Variants in TCF12 observed in about 807,000 individuals in gnomAD.
TCF12 encodes transcription factor 12.
Under a neutral mutation model 86.0 loss-of-function variants are expected in TCF12, and 45 were observed. The observed-to-expected ratio is 0.52, with a 90% CI of 0.41 to 0.67. TCF12 has a LOEUF of 0.67. Ranked by LOEUF, TCF12 falls within the 30% of genes least tolerant of loss-of-function variation. The pLI, the probability that TCF12 is intolerant of heterozygous loss-of-function variation, is 0.00. For synonymous variants in TCF12, 330 were observed against 299.6 expected (o/e 1.10, Z -1.05); for missense variants, 881 against 859.9 (o/e 1.02, Z -0.31).
chr15:56,950,563 A>C (rs1189126505), intron 3 of TCF12, among the ~76,000 whole-genome samples: 2 of 151,996 alleles, frequency 1.3e-5, no homozygotes, highest in Non-Finnish European at 2.9e-5. Flanking sequence ...ATCACACAGA[A>C]TGCTCTGTTT....
intron 5 of TCF12, among the ~76,000 whole-genome samples, chr15:57,099,977 C>T (rs1461511683): frequency 6.6e-6 from 1 of 152,110 alleles, no homozygotes; most frequent in Non-Finnish European, 1.5e-5. Context: ...AGTGGACCAC[C>T]TTTACTTTTA....
intron 3 of TCF12, among the ~76,000 whole-genome samples, chr15:56,979,094 AG>A (rs1275397932): frequency 2.6e-5 from 4 of 152,126 alleles, no homozygotes; most frequent in African/African-American, 9.6e-5. Flanking sequence ...CATTTTGCTT[AG>A]GTCACTCATT....
chr15:57,236,875 G>A (rs2059402363), intron 12 of TCF12, among the ~76,000 whole-genome samples: 1 of 151,760 alleles, frequency 6.6e-6, no homozygotes, highest in Admixed American at 6.6e-5. Context: ...GTAGATAGAA[G>A]GAAAGGAAAA....
intron 5 of TCF12, among the ~76,000 whole-genome samples, chr15:57,154,489 T>A (rs2053981820): frequency 6.6e-6 from 1 of 152,288 alleles, no homozygotes; most frequent in Non-Finnish European, 1.5e-5. Flanking sequence ...TTCAAACATA[T>A]CTACCCTTTT....
intron 6 of TCF12, among the ~76,000 whole-genome samples, chr15:57,179,886 G>T (rs1156250715): frequency 6.6e-6 from 1 of 151,822 alleles, no homozygotes; most frequent in Non-Finnish European, 1.5e-5. Flanking sequence ...ATGAAATCTT[G>T]TCTTAGACAA....
chr15:57,107,173 T>C (rs530131187), intron 5 of TCF12, among the ~76,000 whole-genome samples: 1 of 152,318 alleles, frequency 6.6e-6, no homozygotes, highest in African/African-American at 2.4e-5. Context: ...AAGATGTCCT[T>C]CAGTAGGTGA....
At chr15:57,273,592 A>T (rs2061246565) in intron 19 of TCF12, among the ~76,000 whole-genome samples, 1 of 151,962 alleles carries the variant, frequency 6.6e-6, no homozygotes, top group African/African-American at 2.4e-5. Context: ...CCCTGCCTGG[A>T]CCTGCCCTCC....
chr15:57,145,705 A>G (rs953492070), intron 5 of TCF12, among the ~76,000 whole-genome samples: 3 of 152,164 alleles, frequency 2.0e-5, no homozygotes, highest in Admixed American at 6.5e-5. Flanking sequence ...CAGTTTATAT[A>G]CTCAGGGATG....
chr15:57,072,522 T>A, intron 4 of TCF12: 1 of 372,928 alleles, frequency 2.7e-6, no homozygotes, highest in South Asian at 4.0e-5. Context: ...TTCTCAAAAT[T>A]GTGTGTTTGC....
At chr15:57,163,337 T>TA (rs2054627910) in intron 5 of TCF12, among the ~76,000 whole-genome samples, 1 of 152,214 alleles carries the variant, frequency 6.6e-6, no homozygotes, top group Non-Finnish European at 1.5e-5. Context: ...GCTGACTAAT[T>TA]GACGTAGAAG....
intron 5 of TCF12, among the ~76,000 whole-genome samples, chr15:57,095,451 G>A (rs796406426): frequency 2.6e-5 from 4 of 152,212 alleles, no homozygotes; most frequent in African/African-American, 9.6e-5. Context: ...GAATTGCCTG[G>A]CTTCCATCCC....
chr15:57,279,689 A>G (rs2061590172), intron 19 of TCF12, among the ~76,000 whole-genome samples: 1 of 152,066 alleles, frequency 6.6e-6, no homozygotes, highest in African/African-American at 2.4e-5. Context: ...ATTTCTCATC[A>G]TGTCTCCTAG....
intron 6 of TCF12, among the ~76,000 whole-genome samples, chr15:57,177,657 A>G (rs528460136): frequency 7.3e-6 from 1 of 136,556 alleles, no homozygotes; most frequent in Non-Finnish European, 1.6e-5. Flanking sequence ...GGCAGGGCCT[A>G]CTTGGCAGGG....
At position 57,267,286 on chromosome 15, in the gene TCF12, AC is replaced by A. The variant is rs373086994; in HGVS notation, c.1745+4013del. Among the ~76,000 whole-genome samples, 465 of 152,332 alleles carry A rather than the reference AC, an allele frequency of 3.1e-3. 3 individuals carry two copies. The highest frequency in any genetic ancestry group is 0.011 in the African/African-American group (447 of 41,580). On this transcript the variant is annotated intron_variant, in intron 18 of 20. Transcript: ENST00000333725. ...TCTTTTGACATTCTCACTGTTTTCAACACCTAAACATTTATCTTGGGAAAAA... is the reference window on the plus strand; with the variant it reads ...TCTTTTGACATTCTCACTGTTTTCAAACCTAAACATTTATCTTGGGAAAAA...
At chr15:57,121,675 C>A (rs1211620219) in intron 5 of TCF12, among the ~76,000 whole-genome samples, 1 of 152,164 alleles carries the variant, frequency 6.6e-6, no homozygotes. Flanking sequence ...GAGAGCAACC[C>A]ATATCAGATG....
At chr15:56,979,052 T>C (rs184731044) in intron 3 of TCF12, among the ~76,000 whole-genome samples, 1 of 152,336 alleles carries the variant, frequency 6.6e-6, no homozygotes, top group East Asian at 1.9e-4. Flanking sequence ...CTGTTAATTC[T>C]TTTATAGAAC....
intron 18 of TCF12, among the ~76,000 whole-genome samples, chr15:57,270,192 A>G (rs1260090164): frequency 1.3e-5 from 2 of 152,188 alleles, no homozygotes; most frequent in Admixed American, 6.5e-5. Context: ...TTTCAGGTAC[A>G]CCAATCAAAT....
intron 5 of TCF12, among the ~76,000 whole-genome samples, chr15:57,138,994 G>C (rs1728210321): frequency 6.6e-6 from 1 of 152,138 alleles, no homozygotes; most frequent in Admixed American, 6.5e-5. Flanking sequence ...TTGAGAACTT[G>C]AGCTAAAATT....
chr15:57,186,114 C>G (rs1416102624), intron 6 of TCF12, among the ~76,000 whole-genome samples: 2 of 152,094 alleles, frequency 1.3e-5, no homozygotes, highest in Non-Finnish European at 2.9e-5. Context: ...TATAAACACA[C>G]TACCAAAACT....
Sources: gnomAD v4.1 joint callset for allele counts (sites outside exome capture counted in the v4.1 genomes callset) on GRCh38, gnomAD v4.1.1 for gene constraint, MANE v1.5 for transcripts, NCBI Gene and HGNC (gene_info 2026-07-23, HGNC 2026-07-21) for gene names.